AKAP19: variants seen among roughly 807,000 people sequenced by gnomAD.
AKAP19 encodes the protein small A-kinase anchoring protein.
chr2:190,185,758 CA>C, the AKAP19 span, among the ~76,000 whole-genome samples: 6 of 152,230 alleles, frequency 3.9e-5, no homozygotes, highest in African/African-American at 1.4e-4. Flanking sequence ...TCTAATTGTT[CA>C]AAATCCTAAA....
At chr2:190,026,174 C>A in the AKAP19 span, among the ~76,000 whole-genome samples, 6 of 152,186 alleles carry the variant, frequency 3.9e-5, no homozygotes, top group Non-Finnish European at 2.9e-5. Context: ...CTTGTTTCTT[C>A]TACTCCAGGG....
the AKAP19 span, among the ~76,000 whole-genome samples, chr2:190,025,944 A>G: frequency 6.6e-6 from 1 of 152,112 alleles, no homozygotes; most frequent in African/African-American, 2.4e-5. Context: ...ATTTATATTT[A>G]CCCCAAGCAA....
At chr2:189,984,994 C>T in the AKAP19 span, among the ~76,000 whole-genome samples, 1 of 152,036 alleles carries the variant, frequency 6.6e-6, no homozygotes, top group East Asian at 1.9e-4. Context: ...CACTCTCTGT[C>T]CTTGGGAAAA....
At chr2:190,182,596 TTA>T in the AKAP19 span, among the ~76,000 whole-genome samples, 9 of 152,326 alleles carry the variant, frequency 5.9e-5, no homozygotes, top group Admixed American at 3.9e-4. Context: ...ATACTAGTTT[TTA>T]TGTTTCCTTC....
At chr2:190,024,870 C>T in the AKAP19 span, among the ~76,000 whole-genome samples, 1 of 152,252 alleles carries the variant, frequency 6.6e-6, no homozygotes, top group African/African-American at 2.4e-5. Context: ...TATTTATAAT[C>T]ACTTTAAATA....
chr2:190,013,233 T>A, the AKAP19 span, among the ~76,000 whole-genome samples: 1 of 152,184 alleles, frequency 6.6e-6, no homozygotes, highest in Non-Finnish European at 1.5e-5. Flanking sequence ...ATGAAGCCAT[T>A]GGGTATTGGA....
chr2:190,092,612 A>G, the AKAP19 span, among the ~76,000 whole-genome samples: 2 of 152,116 alleles, frequency 1.3e-5, no homozygotes, highest in Admixed American at 6.5e-5. Flanking sequence ...AACAATATGT[A>G]TATGTACTAT....
the AKAP19 span, among the ~76,000 whole-genome samples, chr2:189,882,662 A>G: frequency 6.6e-6 from 1 of 152,166 alleles, no homozygotes; most frequent in South Asian, 2.1e-4. Context: ...TCAGGTGAGC[A>G]GAAGGATGAC....
At chr2:190,101,242 C>T in the AKAP19 span, among the ~76,000 whole-genome samples, 22 of 152,190 alleles carry the variant, frequency 1.4e-4, no homozygotes, top group Non-Finnish European at 2.8e-4. Context: ...TGGAAAGTGC[C>T]TCACCACTAG....
chr2:190,129,167 G>GAGTACT, the AKAP19 span, among the ~76,000 whole-genome samples: 1 of 152,138 alleles, frequency 6.6e-6, no homozygotes, highest in African/African-American at 2.4e-5. Context: ...AATAGCTGTA[G>GAGTACT]AGTACTCCAT....
chr2:190,133,677 C>T, the AKAP19 span, among the ~76,000 whole-genome samples: 2 of 152,090 alleles, frequency 1.3e-5, no homozygotes, highest in African/African-American at 2.4e-5. Flanking sequence ...GGGAGTCTTG[C>T]CATTTGCAAT....
chr2:190,148,980 T>G, the AKAP19 span, among the ~76,000 whole-genome samples: 1 of 112,972 alleles, frequency 8.9e-6, no homozygotes, highest in African/African-American at 3.2e-5. Flanking sequence ...TTTTTTTTTT[T>G]GAGATAGAGT....
At chr2:189,893,774 GA>G in the AKAP19 span, among the ~76,000 whole-genome samples, 155 of 151,878 alleles carry the variant, frequency 1.0e-3, no homozygotes, top group African/African-American at 3.5e-3. Context: ...AACATTTGGG[GA>G]AAAAAAGGCA....
the AKAP19 span, among the ~76,000 whole-genome samples, chr2:190,113,981 G>T: frequency 6.6e-6 from 1 of 152,020 alleles, no homozygotes; most frequent in East Asian, 1.9e-4. Context: ...CCATCTACTG[G>T]ATAATCAATT....
chr2:190,057,025 C>T, the AKAP19 span: 1 of 517,736 alleles, frequency 1.9e-6, no homozygotes, highest in Non-Finnish European at 3.4e-6. Flanking sequence ...ATTTGATCTC[C>T]TTCTAGCTCA....
chr2:190,112,663 C>T, the AKAP19 span, among the ~76,000 whole-genome samples: 1 of 151,922 alleles, frequency 6.6e-6, no homozygotes. Context: ...AATGACTTTC[C>T]TCCTTTAGAT....
chr2:190,102,156 G>A, the AKAP19 span, among the ~76,000 whole-genome samples: 1 of 151,960 alleles, frequency 6.6e-6, no homozygotes, highest in East Asian at 1.9e-4. Flanking sequence ...ATGAAAACAG[G>A]TATACCCAAA....
At chr2:190,080,687 T>C in the AKAP19 span, among the ~76,000 whole-genome samples, 1 of 152,248 alleles carries the variant, frequency 6.6e-6, no homozygotes, top group Admixed American at 6.5e-5. Flanking sequence ...TCCAGGTTCT[T>C]TGGCCTTATG....
the AKAP19 span, among the ~76,000 whole-genome samples, chr2:190,198,559 G>A: frequency 5.4e-5 from 8 of 148,554 alleles, no homozygotes; most frequent in Non-Finnish European, 1.2e-4. Flanking sequence ...TTGAACCCAG[G>A]AGGTCCAGGC....
Sources: gnomAD v4.1 joint callset for allele counts (sites outside exome capture counted in the v4.1 genomes callset) on GRCh38, gnomAD v4.1.1 for gene constraint, MANE v1.5 for transcripts, NCBI Gene and HGNC (gene_info 2026-07-23, HGNC 2026-07-21) for gene names.